FAM222B: variants seen among roughly 807,000 people sequenced by gnomAD.
FAM222B encodes the protein family with sequence similarity 222 member B.
FAM222B carries 12 observed loss-of-function variants against 38.0 expected under a neutral mutation model. The observed-to-expected ratio is 0.32, with a 90% confidence interval of 0.20 to 0.51. FAM222B has a LOEUF of 0.51. Among genes scored for constraint, FAM222B ranks in the 20% least tolerant of loss-of-function variants. FAM222B has a pLI of 0.97. For missense variants in FAM222B, 716 were observed against 754.2 expected (o/e 0.95, Z 0.59); for synonymous variants, 329 against 317.2 (o/e 1.04, Z -0.40).
intron 1 of FAM222B, among the ~76,000 whole-genome samples, chr17:28,816,323 T>C (rs546183872): frequency 6.6e-6 from 1 of 152,298 alleles, no homozygotes; most frequent in South Asian, 2.1e-4. Context: ...TTTTACTATG[T>C]TAACTTAGTG....
chr17:28,761,726 A>G (rs1268105019), intron 2 of FAM222B, among the ~76,000 whole-genome samples: 3 of 152,128 alleles, frequency 2.0e-5, no homozygotes, highest in African/African-American at 7.2e-5. Flanking sequence ...TCTGGGCAAA[A>G]AGAGCCAGGC....
At chr17:28,850,269 T>C (rs1056091415) in intron 1 of FAM222B, among the ~76,000 whole-genome samples, 1 of 152,012 alleles carries the variant, frequency 6.6e-6, no homozygotes, top group Non-Finnish European at 1.5e-5. Context: ...TGCTCAGGCA[T>C]TGGAGTCTCC....
At chr17:28,800,974 A>G (rs1288948675) in intron 1 of FAM222B, among the ~76,000 whole-genome samples, 1 of 151,392 alleles carries the variant, frequency 6.6e-6, no homozygotes, top group African/African-American at 2.4e-5. Context: ...CCTGACCAAC[A>G]TGGTGAAACC....
At chr17:28,770,455 T>G (rs539546437) in intron 1 of FAM222B, among the ~76,000 whole-genome samples, 1 of 152,242 alleles carries the variant, frequency 6.6e-6, no homozygotes, top group Admixed American at 6.5e-5. Flanking sequence ...CAGGCTGGAG[T>G]GCAGCAGTGC....
chr17:28,834,787 T>G (rs1035974207), intron 1 of FAM222B: 2 of 151,822 alleles, frequency 1.3e-5, no homozygotes, highest in East Asian at 3.8e-4. Context: ...TCTTTGTTGC[T>G]TCTTCATTCC....
intron 1 of FAM222B, among the ~76,000 whole-genome samples, chr17:28,769,144 C>T (rs2035487498): frequency 6.7e-6 from 1 of 149,108 alleles, no homozygotes; most frequent in Non-Finnish European, 1.5e-5. Flanking sequence ...CTTTATCACC[C>T]AATCTATTCT....
chr17:28,761,610 CTTTG>C (rs1468169253), intron 2 of FAM222B, among the ~76,000 whole-genome samples: 2 of 152,144 alleles, frequency 1.3e-5, no homozygotes, highest in Non-Finnish European at 2.9e-5. Flanking sequence ...GTACAGCTCT[CTTTG>C]TTTGGTGATA....
intron 1 of FAM222B, among the ~76,000 whole-genome samples, chr17:28,773,797 CAAA>C (rs879413377): frequency 7.8e-6 from 1 of 128,794 alleles, no homozygotes; most frequent in Non-Finnish European, 1.7e-5. Flanking sequence ...GCCTCTGTCT[CAAA>C]AAAAAAAAAA....
intron 1 of FAM222B, among the ~76,000 whole-genome samples, chr17:28,805,558 A>G (rs978186980): frequency 2.6e-5 from 4 of 151,896 alleles, no homozygotes; most frequent in African/African-American, 7.2e-5. Flanking sequence ...AGAGGCTGAG[A>G]TGGGAAGACT....
intron 1 of FAM222B, among the ~76,000 whole-genome samples, chr17:28,848,458 T>C (rs577640494): frequency 6.6e-5 from 10 of 152,076 alleles, no homozygotes; most frequent in African/African-American, 2.2e-4. Flanking sequence ...ATTCTGCCCT[T>C]GGTAAGAAAT....
At chr17:28,831,714 C>T (rs974995311) in intron 1 of FAM222B, among the ~76,000 whole-genome samples, 11 of 151,578 alleles carry the variant, frequency 7.3e-5, no homozygotes, top group African/African-American at 2.7e-4. Context: ...CACCATGTTT[C>T]CCAGGCTGGT....
intron 1 of FAM222B, among the ~76,000 whole-genome samples, chr17:28,819,641 A>G (rs2038145197): frequency 6.6e-6 from 1 of 152,188 alleles, no homozygotes; most frequent in African/African-American, 2.4e-5. Flanking sequence ...ATGGATACAT[A>G]TAAGCTACAA....
At chr17:28,774,545 T>C (rs2035793396) in intron 1 of FAM222B, among the ~76,000 whole-genome samples, 2 of 152,172 alleles carry the variant, frequency 1.3e-5, no homozygotes, top group African/African-American at 2.4e-5. Context: ...CTACCTCTAA[T>C]TAAGGAACAA....
upstream of FAM222B, among the ~76,000 whole-genome samples, chr17:28,846,367 A>G (rs986350000): frequency 6.6e-6 from 1 of 151,820 alleles, no homozygotes; most frequent in African/African-American, 2.4e-5. Context: ...CTGTGTCTCA[A>G]AAAAATTTTT....
At chr17:28,846,575 G>A (rs1035963188), upstream of FAM222B, among the ~76,000 whole-genome samples, 3 of 151,704 alleles carry the variant, frequency 2.0e-5, no homozygotes, top group African/African-American at 7.3e-5. Flanking sequence ...AGGCTGAAGA[G>A]CGAGGATTGC....
chr17:28,785,246 T>G (rs960298381), intron 1 of FAM222B, among the ~76,000 whole-genome samples: 3 of 152,180 alleles, frequency 2.0e-5, no homozygotes, highest in African/African-American at 7.2e-5. Context: ...TTTTCCAATC[T>G]GCAGGCTGTG....
At chr17:28,763,163 G>A (rs1238327484) in intron 2 of FAM222B, among the ~76,000 whole-genome samples, 1 of 152,198 alleles carries the variant, frequency 6.6e-6, no homozygotes, top group Non-Finnish European at 1.5e-5. Context: ...AGAGAAACCT[G>A]TATTCAAGTA....
chr17:28,778,715 A>G (rs1395903184), intron 1 of FAM222B, among the ~76,000 whole-genome samples: 3 of 66,242 alleles, frequency 4.5e-5, no homozygotes, highest in African/African-American at 2.0e-4. Flanking sequence ...ATATATATAT[A>G]TATATTTTTT....
At chr17:28,831,048 T>G (rs968583680) in intron 1 of FAM222B, among the ~76,000 whole-genome samples, 1 of 148,516 alleles carries the variant, frequency 6.7e-6, no homozygotes, top group Non-Finnish European at 1.5e-5. Flanking sequence ...TTGGCTGGAA[T>G]GTAGTGGAAT....
Sources: gnomAD v4.1 joint callset for allele counts (sites outside exome capture counted in the v4.1 genomes callset) on GRCh38, gnomAD v4.1.1 for gene constraint, MANE v1.5 for transcripts, NCBI Gene and HGNC (gene_info 2026-07-23, HGNC 2026-07-21) for gene names.